AFAP1: variants seen among roughly 807,000 people sequenced by gnomAD.
AFAP1 encodes the protein actin filament associated protein 1.
AFAP1 carries 75 observed loss-of-function variants against 93.9 expected under a neutral mutation model. The ratio of observed to expected loss-of-function variants is 0.80; its 90% CI spans 0.66 to 0.97. AFAP1 has a LOEUF of 0.97. Among genes scored for constraint, AFAP1 ranks in the 50% least tolerant of loss-of-function variants. The pLI, the probability that AFAP1 is intolerant of heterozygous loss-of-function variation, is 0.00. For missense variants in AFAP1, 1,201 were observed against 1,050.8 expected (o/e 1.14, Z -1.98); for synonymous variants, 517 against 430.7 (o/e 1.20, Z -2.48).
chr4:7,910,426 G>A (rs1257736725), intron 1 of AFAP1, among the ~76,000 whole-genome samples: 1 of 151,916 alleles, frequency 6.6e-6, no homozygotes, highest in African/African-American at 2.4e-5. Context: ...AAAATACATA[G>A]AAATAAAAAA....
rs116679849 is a variant in AFAP1, at chr4:7,905,760, A to G, written c.-2-33680T>C. 6.3e-3 allele frequency among the ~76,000 whole-genome samples: 966 copies of G among 152,318 alleles called. 8 individuals carry two copies. The highest frequency in any genetic ancestry group is 0.021 in the African/African-American group (857 of 41,572). ...GACACCCTCCTCAAGAAGCACACAC[A>G]GGGAAGGCAAGATGATACAATCACA... On this transcript the variant is annotated intron_variant, in intron 1 of 17. Coordinates refer to ENST00000420658, the MANE Select transcript of AFAP1 (RefSeq NM_001134647.2).
chr4:7,770,448 C>A (rs4234829), intron 16 of AFAP1, among the ~76,000 whole-genome samples: 135,323 of 152,140 alleles, frequency 0.89, 60,434 homozygotes, highest in East Asian at 0.93. Context: ...GAAAGTGAAG[C>A]TGTAGGAGGG....
intron 1 of AFAP1, among the ~76,000 whole-genome samples, chr4:7,889,368 G>A (rs1718309699): frequency 6.6e-6 from 1 of 151,590 alleles, no homozygotes; most frequent in South Asian, 2.1e-4. Context: ...CTAACATGGT[G>A]AAACCCCATC....
chr4:7,826,506 G>C (rs11734860), intron 6 of AFAP1, among the ~76,000 whole-genome samples: 33,815 of 152,220 alleles, frequency 0.22, 4,453 homozygotes, highest in Non-Finnish European at 0.31. Flanking sequence ...GCAGAGAAAA[G>C]AGACCACTTA....
At chr4:7,834,676 AG>A in intron 6 of AFAP1, among the ~76,000 whole-genome samples, 1 of 152,340 alleles carries the variant, frequency 6.6e-6, no homozygotes, top group East Asian at 1.9e-4. Flanking sequence ...TGCTACCCCA[AG>A]GGGGCAGCTG....
chr4:7,883,804 TGAA>T (rs1402848455), intron 1 of AFAP1, among the ~76,000 whole-genome samples: 2 of 152,206 alleles, frequency 1.3e-5, no homozygotes, highest in Non-Finnish European at 2.9e-5. Context: ...GATTGAAAGA[TGAA>T]GAAGTAAATG....
chr4:7,775,644 T>A (rs865774441), intron 14 of AFAP1: 2 of 152,174 alleles, frequency 1.3e-5, no homozygotes, highest in Non-Finnish European at 2.9e-5. Context: ...AACGGATACA[T>A]GAAGAGGCAA....
chr4:7,815,794 C>T (rs1044001997), intron 8 of AFAP1, among the ~76,000 whole-genome samples: 4 of 152,168 alleles, frequency 2.6e-5, no homozygotes, highest in African/African-American at 9.7e-5. Flanking sequence ...ATGGCAACCT[C>T]GGCCAAGGTC....
At chr4:7,800,869 C>T (rs111587086) in intron 9 of AFAP1, among the ~76,000 whole-genome samples, 2 of 152,178 alleles carry the variant, frequency 1.3e-5, no homozygotes, top group Non-Finnish European at 2.9e-5. Context: ...CCACACAGGC[C>T]GTATCTGGAA....
chr4:7,926,846 C>T (rs1720798123), intron 1 of AFAP1, among the ~76,000 whole-genome samples: 1 of 152,204 alleles, frequency 6.6e-6, no homozygotes, highest in African/African-American at 2.4e-5. Flanking sequence ...AGCGATTCTC[C>T]CGCCTCAGCC....
intron 1 of AFAP1, among the ~76,000 whole-genome samples, chr4:7,881,896 T>C (rs922170225): frequency 2.0e-5 from 3 of 152,162 alleles, no homozygotes; most frequent in Non-Finnish European, 4.4e-5. Flanking sequence ...CCCCCCCAAA[T>C]TATCTCATCC....
chr4:7,885,483 TC>T (rs1469224897), intron 1 of AFAP1, among the ~76,000 whole-genome samples: 1 of 152,140 alleles, frequency 6.6e-6, no homozygotes, highest in Non-Finnish European at 1.5e-5. Flanking sequence ...ACCGCCTCTC[TC>T]CCGCTATGCT....
At chr4:7,896,384 C>CACCTCCA in intron 1 of AFAP1, among the ~76,000 whole-genome samples, 1 of 152,152 alleles carries the variant, frequency 6.6e-6, no homozygotes, top group Non-Finnish European at 1.5e-5. Flanking sequence ...ATAAAGCAAG[C>CACCTCCA]ACCTCCAACG....
intron 1 of AFAP1, among the ~76,000 whole-genome samples, chr4:7,873,886 G>A (rs1717292190): frequency 1.3e-5 from 2 of 152,146 alleles, no homozygotes; most frequent in South Asian, 2.1e-4. Flanking sequence ...ATGAACACAT[G>A]AGCTCATCAC....
At chr4:7,933,312 C>T (rs539677776) in intron 1 of AFAP1, among the ~76,000 whole-genome samples, 18 of 152,264 alleles carry the variant, frequency 1.2e-4, no homozygotes, top group Admixed American at 7.8e-4. Flanking sequence ...CGGTGGCTCA[C>T]GCCTGTAATC....
At chr4:7,887,666 T>TA (rs1718209799) in intron 1 of AFAP1, among the ~76,000 whole-genome samples, 1 of 152,220 alleles carries the variant, frequency 6.6e-6, no homozygotes, top group Non-Finnish European at 1.5e-5. Flanking sequence ...ACTGCAAACT[T>TA]AAACTCAGAA....
intron 17 of AFAP1, 133 bp downstream of exon 17, chr4:7,768,711 G>C: frequency 8.8e-7 from 1 of 1,136,466 alleles, no homozygotes; most frequent in Non-Finnish European, 1.2e-6. Context: ...CCCATTCCCA[G>C]ATGTCTACTG....
At chr4:7,770,543 G>A (rs1387271537) in intron 16 of AFAP1, among the ~76,000 whole-genome samples, 4 of 152,208 alleles carry the variant, frequency 2.6e-5, no homozygotes, top group Admixed American at 1.3e-4. Flanking sequence ...CGCAGGGCAA[G>A]GGGACAGTCA....
chr4:7,891,876 C>T (rs1295497584), intron 1 of AFAP1, among the ~76,000 whole-genome samples: 2 of 151,044 alleles, frequency 1.3e-5, no homozygotes, highest in South Asian at 4.2e-4. Context: ...CATGGTGAAA[C>T]CCCATCTCTA....
Sources: gnomAD v4.1 joint callset for allele counts (sites outside exome capture counted in the v4.1 genomes callset) on GRCh38, gnomAD v4.1.1 for gene constraint, MANE v1.5 for transcripts, NCBI Gene and HGNC (gene_info 2026-07-23, HGNC 2026-07-21) for gene names.